SYN2: variants seen among roughly 807,000 people sequenced by gnomAD.
The protein encoded by SYN2 is synapsin-2.
A neutral mutation model predicts 50.9 loss-of-function variants in SYN2; 19 were observed. The ratio of observed to expected loss-of-function variants is 0.37; its 90% CI spans 0.26 to 0.55. The LOEUF (loss-of-function observed/expected upper bound fraction) is 0.55. SYN2 is among the 20% of genes least tolerant of loss of function. The pLI is 0.81. For missense variants in SYN2, 587 were observed against 576.4 expected, an observed-to-expected ratio of 1.02 and a Z score of -0.19; for synonymous variants, 255 against 224.9, an observed-to-expected ratio of 1.13 and a Z score of -1.20.
At chr3:12,067,933 C>T (rs1695256082) in intron 1 of SYN2, among the ~76,000 whole-genome samples, 1 of 152,104 alleles carries the variant, frequency 6.6e-6, no homozygotes, top group African/African-American at 2.4e-5. Flanking sequence ...TGGTGCATGC[C>T]TATAGTCCCA....
chr3:12,085,936 T>G (rs1695691448), intron 1 of SYN2, among the ~76,000 whole-genome samples: 1 of 151,892 alleles, frequency 6.6e-6, no homozygotes, highest in South Asian at 2.1e-4. Flanking sequence ...GGAAAAACAA[T>G]AGAAAATATC....
chr3:12,064,181 G>A (rs1695165128), intron 1 of SYN2, among the ~76,000 whole-genome samples: 1 of 151,846 alleles, frequency 6.6e-6, no homozygotes, highest in Non-Finnish European at 1.5e-5. Flanking sequence ...GACCAGTTGA[G>A]GGGCAGTCTA....
intron 1 of SYN2, among the ~76,000 whole-genome samples, chr3:12,042,991 T>TC (rs1270279563): frequency 2.7e-5 from 4 of 150,778 alleles, no homozygotes; most frequent in African/African-American, 4.9e-5. Flanking sequence ...TGAGAATAAA[T>TC]CCCCCCACAC....
intron 1 of SYN2, among the ~76,000 whole-genome samples, chr3:12,028,280 G>A (rs894749197): frequency 2.2e-4 from 33 of 151,932 alleles, no homozygotes; most frequent in African/African-American, 7.5e-4. Flanking sequence ...TATCATCGTT[G>A]GACATTTCGG....
intron 1 of SYN2, among the ~76,000 whole-genome samples, chr3:12,132,034 C>CTTT (rs1255588208): frequency 4.1e-5 from 5 of 120,996 alleles, no homozygotes; most frequent in African/African-American, 1.4e-4. Flanking sequence ...TCTTTTTTTT[C>CTTT]TTTTTTTTTC....
At chr3:12,051,788 A>G (rs750630830) in intron 1 of SYN2, among the ~76,000 whole-genome samples, 1 of 152,220 alleles carries the variant, frequency 6.6e-6, no homozygotes. Flanking sequence ...AACACATTGT[A>G]TAACAACATC....
intron 6 of SYN2, 190 bp from the exon 7 acceptor site, chr3:12,161,822 A>T: frequency 1.0e-6 from 1 of 998,312 alleles, no homozygotes; most frequent in Non-Finnish European, 1.5e-6. Context: ...GGTCCTTTGC[A>T]GCAAGTGTGG....
rs897773578 is a variant in SYN2 at position 12,119,490 on chromosome 3, C to T, written c.378-21161C>T. Among the ~76,000 whole-genome samples, 4 of 152,190 alleles carry T rather than the reference C, an allele frequency of 2.6e-5. No individual in the cohort carries two copies. In the East Asian group the frequency reaches 7.7e-4, roughly 29 times the overall value. ...AATTGTTAATAAGTGAAGAGAGAGGCTTCTCCTGAATACCTTGCCAGCTCC... is the reference window on the plus strand; with the variant it reads ...AATTGTTAATAAGTGAAGAGAGAGGTTTCTCCTGAATACCTTGCCAGCTCC... On this transcript the variant is annotated intron_variant, in intron 1 of 12. Coordinates refer to ENST00000621198, the MANE Select transcript of SYN2 (RefSeq NM_133625.6).
intron 1 of SYN2, among the ~76,000 whole-genome samples, chr3:12,095,416 C>T (rs1406475388): frequency 3.3e-5 from 3 of 90,028 alleles, no homozygotes; most frequent in Non-Finnish European, 6.5e-5. Flanking sequence ...GGCATGGTGG[C>T]GGGCACCTGT....
chr3:12,181,294 A>G (rs1402609796), intron 10 of SYN2, among the ~76,000 whole-genome samples: 2 of 152,236 alleles, frequency 1.3e-5, no homozygotes, highest in African/African-American at 4.8e-5. Context: ...GGTACTGGGC[A>G]TGAGGCCCTG....
intron 1 of SYN2, among the ~76,000 whole-genome samples, chr3:12,068,142 T>C (rs1264797852): frequency 6.6e-6 from 1 of 152,252 alleles, no homozygotes; most frequent in South Asian, 2.1e-4. Flanking sequence ...CCACTTGATA[T>C]CGCTCTTTTT....
chr3:12,081,431 GA>G (rs1175565209), intron 1 of SYN2, among the ~76,000 whole-genome samples: 6 of 152,032 alleles, frequency 3.9e-5, no homozygotes, highest in African/African-American at 1.4e-4. Context: ...CACATTATTA[GA>G]TTGCTCATTT....
intron 5 of SYN2, among the ~76,000 whole-genome samples, chr3:12,155,505 C>G (rs919326503): frequency 6.6e-6 from 1 of 152,140 alleles, no homozygotes; most frequent in Non-Finnish European, 1.5e-5. Flanking sequence ...CAGGGAGACA[C>G]AGCCTGGCAG....
intron 1 of SYN2, among the ~76,000 whole-genome samples, chr3:12,060,266 G>A (rs1414714167): frequency 6.6e-6 from 1 of 152,108 alleles, no homozygotes; most frequent in Non-Finnish European, 1.5e-5. Flanking sequence ...GTACAGTGTA[G>A]AGCCAAGAAA....
chr3:12,035,698 C>T (rs1237933211), intron 1 of SYN2, among the ~76,000 whole-genome samples: 1 of 152,138 alleles, frequency 6.6e-6, no homozygotes, highest in Non-Finnish European at 1.5e-5. Context: ...AGTTTGTAAT[C>T]GGATAAGAAA....
chr3:12,019,340 AG>A (rs1216505347), intron 1 of SYN2, among the ~76,000 whole-genome samples: 1 of 152,200 alleles, frequency 6.6e-6, no homozygotes, highest in Non-Finnish European at 1.5e-5. Flanking sequence ...TAACCATGTT[AG>A]CTCAACTATG....
intron 7 of SYN2, 139 bp from the exon 8 acceptor site, chr3:12,167,095 C>A: frequency 1.2e-6 from 1 of 808,744 alleles, no homozygotes. Context: ...GCTCTAGGCT[C>A]AGCAGACAGA....
At chr3:12,125,986 A>G (rs1312650229) in intron 1 of SYN2, among the ~76,000 whole-genome samples, 1 of 152,212 alleles carries the variant, frequency 6.6e-6, no homozygotes, top group East Asian at 1.9e-4. Context: ...CCTACACATG[A>G]ATGACAGAGA....
chr3:12,179,797 A>G (rs1308147073), intron 10 of SYN2, among the ~76,000 whole-genome samples: 2 of 152,210 alleles, frequency 1.3e-5, no homozygotes, highest in Non-Finnish European at 2.9e-5. Flanking sequence ...ATGAGGCTTG[A>G]TCAGCCAAAA....
Sources: allele counts gnomAD v4.1 joint callset (sites outside exome capture counted in the v4.1 genomes callset), GRCh38; gene constraint gnomAD v4.1.1; transcripts MANE v1.5; gene names NCBI Gene and HGNC (gene_info 2026-07-23, HGNC 2026-07-21).